NAALADL2: variants seen among roughly 807,000 people sequenced by gnomAD.
NAALADL2 encodes inactive N-acetylated-alpha-linked acidic dipeptidase-like protein 2.
A neutral mutation model predicts 87.2 loss-of-function variants in NAALADL2; 76 were observed. That is an observed-to-expected ratio of 0.87 (90% CI 0.72 to 1.05). The LOEUF is 1.05. NAALADL2 is among the 50% of genes least tolerant of loss of function. The pLI is 0.00. For synonymous variants in NAALADL2, 354 were observed against 331.0 expected, an observed-to-expected ratio of 1.07 and a Z score of -0.75; for missense variants, 1,089 against 945.8, an observed-to-expected ratio of 1.15 and a Z score of -1.99.
intron 9 of NAALADL2, among the ~76,000 whole-genome samples, chr3:175,538,328 G>T (rs1341927137): frequency 1.3e-5 from 2 of 151,476 alleles, no homozygotes; most frequent in Non-Finnish European, 2.9e-5. Context: ...CTAAAACAGG[G>T]TATAAAATAT....
chr3:175,406,998 T>C (rs956696720), intron 5 of NAALADL2, among the ~76,000 whole-genome samples: 1 of 152,030 alleles, frequency 6.6e-6, no homozygotes, highest in Non-Finnish European at 1.5e-5. Context: ...CTGGCTAACA[T>C]GGTGAAACCC....
intron 2 of NAALADL2, among the ~76,000 whole-genome samples, chr3:175,199,866 T>TATATA (rs1739743130): frequency 1.0e-4 from 1 of 10,038 alleles, no homozygotes; most frequent in Non-Finnish European, 1.8e-4. Flanking sequence ...ATATATATAT[T>TATATA]TTTTTTTTTT....
chr3:174,485,501 A>G (rs1172396363), intron 1 of NAALADL2, among the ~76,000 whole-genome samples: 3 of 150,068 alleles, frequency 2.0e-5, no homozygotes, highest in African/African-American at 7.4e-5. Context: ...CTATGTGTTC[A>G]TATGTTCTCA....
intron 11 of NAALADL2, among the ~76,000 whole-genome samples, chr3:175,734,993 A>G (rs1441756820): frequency 6.6e-6 from 1 of 152,078 alleles, no homozygotes; most frequent in East Asian, 1.9e-4. Context: ...CAGGCTGCAA[A>G]TTTTCCAAAT....
intron 1 of NAALADL2, among the ~76,000 whole-genome samples, chr3:174,933,177 C>A (rs941767833): frequency 6.6e-6 from 1 of 152,128 alleles, no homozygotes; most frequent in African/African-American, 2.4e-5. Context: ...AACCTTGCTG[C>A]CTTTTTACCC....
intron 1 of NAALADL2, among the ~76,000 whole-genome samples, chr3:174,922,309 T>TAAAAAAAAAAA (rs35627069): frequency 7.3e-6 from 1 of 137,878 alleles, no homozygotes; most frequent in Non-Finnish European, 1.6e-5. Context: ...GACCTTATCT[T>TAAAAAAAAAAA]AAAAAAAAAA....
At chr3:175,771,603 C>T (rs1205494816) in intron 13 of NAALADL2, among the ~76,000 whole-genome samples, 4 of 152,122 alleles carry the variant, frequency 2.6e-5, no homozygotes, top group Non-Finnish European at 5.9e-5. Flanking sequence ...GACCACATCA[C>T]TCCAATCTTT....
chr3:174,572,731 C>T (rs984305771), intron 2 of NAALADL2, among the ~76,000 whole-genome samples: 7 of 152,104 alleles, frequency 4.6e-5, no homozygotes, highest in African/African-American at 9.7e-5. Flanking sequence ...GAAAATGTAA[C>T]TTTAAAAATG....
chr3:175,665,177 A>G (rs979861116), intron 11 of NAALADL2, among the ~76,000 whole-genome samples: 1 of 152,234 alleles, frequency 6.6e-6, no homozygotes, highest in Admixed American at 6.5e-5. Context: ...GAAACTTACA[A>G]TAAGAAAATG....
intron 10 of NAALADL2, among the ~76,000 whole-genome samples, chr3:175,620,604 T>A (rs1258960985): frequency 6.6e-6 from 1 of 152,178 alleles, no homozygotes; most frequent in East Asian, 1.9e-4. Context: ...AGTGGCTTTT[T>A]CACTCCCGCA....
rs181040622 is a variant in NAALADL2, at chr3:174,717,701, C to T, written c.-114-19940C>T. On this transcript the variant is annotated intron_variant, in intron 2 of 3. Transcript: ENST00000434257. ...GATTTCAAATGCTCATGATTTCCTT[C>T]TGGAATATTAAATATGTAGTAAGAA... Among the ~76,000 whole-genome samples, 244 of 152,282 alleles carry T rather than the reference C, an allele frequency of 1.6e-3. 2 individuals carry two copies. The highest frequency in any genetic ancestry group is 5.6e-3 in the African/African-American group (234 of 41,546).
At position 175,327,148 on chromosome 3, in the gene NAALADL2, C is replaced by CTTT. The variant is rs35198621; in HGVS notation, c.1090+2844_1090+2846dup. Among the ~76,000 whole-genome samples, 214 of 99,498 alleles carry CTTT rather than the reference C, an allele frequency of 2.2e-3. 4 individuals carry two copies. Among genetic ancestry groups the CTTT allele is most frequent in the Middle Eastern group, 6.8e-3 (1 of 146 alleles). 65.3% of individuals were successfully genotyped at this position (99,498 alleles called of 152,430 possible). On this transcript the variant is annotated intron_variant, in intron 5 of 13. Coordinates refer to ENST00000454872, the MANE Select transcript of NAALADL2 (RefSeq NM_207015.3). ...CCAGCTTTATCAACTGTCTACATTTCTTTTTTTTTTTTTTTTTTTTTTTCT... is the reference window on the plus strand; with the variant it reads ...CCAGCTTTATCAACTGTCTACATTTCTTTTTTTTTTTTTTTTTTTTTTTTTTCT...
intron 3 of NAALADL2, among the ~76,000 whole-genome samples, chr3:174,850,734 A>T (rs776889491): frequency 6.6e-6 from 1 of 152,136 alleles, no homozygotes; most frequent in Non-Finnish European, 1.5e-5. Flanking sequence ...ACAAATCAAC[A>T]TGGAACCTAA....
chr3:174,806,007 C>T (rs1000522101), intron 3 of NAALADL2, among the ~76,000 whole-genome samples: 1 of 152,142 alleles, frequency 6.6e-6, no homozygotes, highest in African/African-American at 2.4e-5. Flanking sequence ...GCAGCAGCTA[C>T]TACTAACTGT....
intron 1 of NAALADL2, among the ~76,000 whole-genome samples, chr3:175,010,908 C>T (rs116529350): frequency 1.3e-4 from 20 of 152,198 alleles, no homozygotes; most frequent in Admixed American, 7.2e-4. Flanking sequence ...ATATAATCTA[C>T]ATGATCAACA....
intron 2 of NAALADL2, among the ~76,000 whole-genome samples, chr3:174,686,547 A>C (rs1015414238): frequency 1.3e-5 from 2 of 151,660 alleles, no homozygotes; most frequent in African/African-American, 4.8e-5. Context: ...ACTTCAAACT[A>C]TACTATAGGG....
intron 5 of NAALADL2, among the ~76,000 whole-genome samples, chr3:175,395,205 G>A (rs1051990922): frequency 1.2e-4 from 19 of 152,132 alleles, no homozygotes; most frequent in Admixed American, 1.1e-3. Context: ...TCCCAGGCAG[G>A]ATGGTGGGGG....
At chr3:175,023,355 A>G (rs1436838417) in intron 1 of NAALADL2, among the ~76,000 whole-genome samples, 3 of 152,112 alleles carry the variant, frequency 2.0e-5, no homozygotes, top group Admixed American at 1.3e-4. Context: ...TTCTTATCAC[A>G]TAAATAGCAT....
intron 3 of NAALADL2, among the ~76,000 whole-genome samples, chr3:174,822,643 T>C (rs1365043917): frequency 1.3e-5 from 2 of 152,166 alleles, no homozygotes; most frequent in Non-Finnish European, 2.9e-5. Flanking sequence ...TAATATATGA[T>C]GTATATATAG....
Sources: gnomAD v4.1 joint callset for allele counts (sites outside exome capture counted in the v4.1 genomes callset) on GRCh38, gnomAD v4.1.1 for gene constraint, MANE v1.5 for transcripts, NCBI Gene and HGNC (gene_info 2026-07-23, HGNC 2026-07-21) for gene names.